ADAMTS20: variants seen among roughly 807,000 people sequenced by gnomAD.
The protein encoded by ADAMTS20 is A disintegrin and metalloproteinase with thrombospondin motifs 20.
A neutral mutation model predicts 260.1 loss-of-function variants in ADAMTS20; 225 were observed. The ratio of observed to expected loss-of-function variants is 0.87; its 90% CI spans 0.78 to 0.97. The LOEUF is 0.97. Among genes scored for constraint, ADAMTS20 ranks in the 50% least tolerant of loss-of-function variants. The probability of loss-of-function intolerance (pLI) is 0.00; values close to 1 mark genes in which losing one functional copy is unlikely to be tolerated. For missense variants in ADAMTS20, 2,400 were observed against 2,337.7 expected (o/e 1.03, Z -0.55); for synonymous variants, 802 against 769.5 (o/e 1.04, Z -0.70).
intron 3 of ADAMTS20, among the ~76,000 whole-genome samples, chr12:43,528,763 T>A (rs1438734192): frequency 6.6e-6 from 1 of 151,990 alleles, no homozygotes; most frequent in Non-Finnish European, 1.5e-5. Context: ...AATTTATGAC[T>A]AAGACCCAAA....
chr12:43,414,671 A>G (rs1002092781), intron 28 of ADAMTS20, among the ~76,000 whole-genome samples: 1 of 152,142 alleles, frequency 6.6e-6, no homozygotes, highest in African/African-American at 2.4e-5. Context: ...AAAATTTAAG[A>G]GTCTGATAAT....
chr12:43,499,880 T>G (rs1247189869), intron 4 of ADAMTS20, among the ~76,000 whole-genome samples: 1 of 152,156 alleles, frequency 6.6e-6, no homozygotes, highest in African/African-American at 2.4e-5. Context: ...CATGAAACTA[T>G]TCCAAAATTG....
chr12:43,466,467 GTA>G lies in ADAMTS20; in HGVS notation c.1367+183_1367+184del, dbSNP rs369153478. On this transcript the variant is annotated intron_variant, in intron 9 of 38. Transcript: ENST00000389420. ...TTTTAAAGAGTGAAATTATATACAT[GTA>G]TATATATATATATGTACACATGAAC... 8.3e-3 allele frequency among the ~76,000 whole-genome samples: 1,243 copies of G among 149,032 alleles called. 17 individuals are homozygous for G. The highest frequency in any genetic ancestry group is 0.028 in the African/African-American group (1,147 of 40,854).
In ADAMTS20 at chr12:43,528,356, A is replaced by AAAAC. The variant is rs1244381143; in HGVS notation, c.613+3679_613+3680insGTTT. Among the ~76,000 whole-genome samples the AAAAC allele has an allele frequency of 5.5e-5, 8 of 146,168 alleles. No individual in the cohort carries two copies. The East Asian group carries it at 1.6e-3, about 29-fold the overall frequency. On this transcript the variant is annotated intron_variant, in intron 3 of 38. Coordinates refer to ENST00000389420, the MANE Select transcript of ADAMTS20 (RefSeq NM_025003.5). ...GCCAAGGCAATCCTAAGCAAAAAAA[A>AAAAC]AAAAAAAAAAAAAAAAAACACAAAT... is the stretch of plus-strand genomic sequence containing the variant.
intron 6 of ADAMTS20, 82 bp downstream of exon 6, chr12:43,492,423 A>C: frequency 6.8e-7 from 1 of 1,471,922 alleles, no homozygotes; most frequent in South Asian, 1.3e-5. Flanking sequence ...ACAAAACAAA[A>C]AAAAGAATTA....
At chr12:43,464,795 T>C in intron 9 of ADAMTS20, 63 bp from the exon 10 acceptor site, 2 of 1,500,612 alleles carry the variant, frequency 1.3e-6, no homozygotes, top group East Asian at 2.3e-5. Flanking sequence ...GTATGATTCT[T>C]TATCACATTT....
At chr12:43,524,482 G>A (rs915925376) in intron 3 of ADAMTS20, among the ~76,000 whole-genome samples, 4 of 151,846 alleles carry the variant, frequency 2.6e-5, no homozygotes, top group African/African-American at 4.8e-5. Flanking sequence ...ACACACTAAC[G>A]GTCCAGCAAT....
chr12:43,482,549 G>A (rs185147255), intron 7 of ADAMTS20, among the ~76,000 whole-genome samples: 21 of 150,892 alleles, frequency 1.4e-4, no homozygotes, highest in African/African-American at 5.1e-4. Flanking sequence ...AGAGGCAGCT[G>A]TGCTCCTCCC....
At position 43,492,508 on chromosome 12, in the gene ADAMTS20, GT is replaced by G; in HGVS notation, c.1072del (p.Thr358LeufsTer15). 6.2e-7 allele frequency: 1 copy of G among 1,613,786 alleles called. No individual in the cohort carries two copies. Among genetic ancestry groups the G allele is most frequent in the East Asian group, 2.2e-5 (1 of 44,858 alleles). ...AGGGTTATTTCTATAATCATACCTAGTGATAAGAACAGCAGTGTCATGGTGG... is the reference window on the plus strand; with the variant it reads ...AGGGTTATTTCTATAATCATACCTAGGATAAGAACAGCAGTGTCATGGTGG... ...PSHHDTAVLI[T>X]REDICSSKEK... is the part of the protein sequence containing the mutation. On this transcript the variant is annotated frameshift_variant, in exon 6 of 39. Transcript: ENST00000389420. LOFTEE classifies it high-confidence loss of function.
intron 18 of ADAMTS20, 39 bp downstream of exon 18, chr12:43,439,583 C>T (rs999962922): frequency 1.3e-6 from 2 of 1,572,838 alleles, no homozygotes; most frequent in African/African-American, 2.7e-5. Context: ...TGCCAGAATG[C>T]ACAGTCAGTC....
chr12:43,453,432 T>C (rs1941905953), intron 12 of ADAMTS20, among the ~76,000 whole-genome samples: 2 of 152,144 alleles, frequency 1.3e-5, no homozygotes, highest in Non-Finnish European at 2.9e-5. Context: ...TTAGTACTTA[T>C]TCAGCTAAAG....
chr12:43,384,022 C>T (rs765218465), intron 29 of ADAMTS20, 45 bp from the exon 30 acceptor site: 2 of 1,524,752 alleles, frequency 1.3e-6, no homozygotes. Flanking sequence ...TAATAAATAC[C>T]AAATTATATA....
At chr12:43,397,598 T>G (rs777191186) in intron 29 of ADAMTS20, among the ~76,000 whole-genome samples, 8 of 152,164 alleles carry the variant, frequency 5.3e-5, no homozygotes, top group Non-Finnish European at 1.0e-4. Flanking sequence ...GATCCAGTAT[T>G]TCTTTCTTGA....
chr12:43,439,756 A>AT lies in ADAMTS20; in HGVS notation c.2464-6dup, dbSNP rs760331307. ...TAAATTACCCACACACAACACCTCA[A>AT]TAAGAATATAAAAGAACATACAATT... On this transcript the variant is annotated splice_region_variant and splice_polypyrimidine_tract_variant and intron_variant, in intron 17 of 38. Coordinates refer to ENST00000389420, the MANE Select transcript of ADAMTS20 (RefSeq NM_025003.5). 6.2e-7 allele frequency: 1 copy of AT among 1,601,328 alleles called. No individual in the cohort carries two copies. The highest frequency in any genetic ancestry group is 1.1e-5 in the South Asian group (1 of 88,520).
chr12:43,546,411 G>T (rs1345352028), intron 2 of ADAMTS20, among the ~76,000 whole-genome samples: 1 of 152,060 alleles, frequency 6.6e-6, no homozygotes, highest in Non-Finnish European at 1.5e-5. Context: ...AAATAGAGAA[G>T]TTAACTGTCT....
intron 11 of ADAMTS20, 141 bp downstream of exon 11, chr12:43,462,754 A>T (rs1942085544): frequency 1.5e-6 from 1 of 650,134 alleles, no homozygotes; most frequent in African/African-American, 1.8e-5. Context: ...AATGTACTAT[A>T]TCAAACAAAC....
intron 16 of ADAMTS20, among the ~76,000 whole-genome samples, chr12:43,442,930 C>T (rs1341185519): frequency 8.5e-5 from 13 of 152,266 alleles, no homozygotes; most frequent in Admixed American, 7.2e-4. Flanking sequence ...CAGAAGGAAA[C>T]CTTGTACTCA....
intron 31 of ADAMTS20, among the ~76,000 whole-genome samples, chr12:43,382,424 G>C (rs1029091485): frequency 6.6e-6 from 1 of 152,116 alleles, no homozygotes; most frequent in Non-Finnish European, 1.5e-5. Flanking sequence ...CAAATGTGCA[G>C]AACAGGCAAA....
chr12:43,475,810 G>T (rs1365441709), intron 7 of ADAMTS20, among the ~76,000 whole-genome samples: 4 of 149,362 alleles, frequency 2.7e-5, no homozygotes, highest in African/African-American at 9.9e-5. Flanking sequence ...GCTAAAACTG[G>T]ATCCCTTCCT....
Sources: allele counts gnomAD v4.1 joint callset (sites outside exome capture counted in the v4.1 genomes callset), GRCh38; gene constraint gnomAD v4.1.1; transcripts MANE v1.5; gene names NCBI Gene and HGNC (gene_info 2026-07-23, HGNC 2026-07-21).